TEAD1: variants seen among roughly 807,000 people sequenced by gnomAD.
TEAD1 encodes TEA domain transcription factor 1, also known as transcriptional enhancer factor TEF-1.
Under a neutral mutation model 54.9 loss-of-function variants are expected in TEAD1, and 9 were observed. The observed-to-expected ratio is 0.16, with a 90% confidence interval of 0.10 to 0.29. The LOEUF (loss-of-function observed/expected upper bound fraction) is 0.29, where lower values mean the gene tolerates loss of function less well. Ranked by LOEUF, TEAD1 falls within the 10% of genes least tolerant of loss-of-function variation. The pLI, the probability that TEAD1 is intolerant of heterozygous loss-of-function variation, is 1.00. For synonymous variants in TEAD1, 200 were observed against 187.8 expected (o/e 1.07, Z -0.53); for missense variants, 387 against 535.9 (o/e 0.72, Z 2.74).
intron 3 of TEAD1, among the ~76,000 whole-genome samples, chr11:12,774,597 T>A (rs1403167133): frequency 6.6e-6 from 1 of 152,172 alleles, no homozygotes; most frequent in Non-Finnish European, 1.5e-5. Flanking sequence ...TGATGTATAG[T>A]TATAGTTACA....
At chr11:12,850,521 TA>T (rs1227662745) in intron 3 of TEAD1, among the ~76,000 whole-genome samples, 1 of 152,176 alleles carries the variant, frequency 6.6e-6, no homozygotes. Context: ...AGCAGCCCTC[TA>T]GAGTAGGAAC....
intron 5 of TEAD1, among the ~76,000 whole-genome samples, chr11:12,871,540 C>T (rs553325132): frequency 1.3e-5 from 2 of 152,208 alleles, no homozygotes; most frequent in African/African-American, 4.8e-5. Flanking sequence ...ATGCAGGAGT[C>T]TCTTTGCCTG....
At chr11:12,733,773 C>T (rs957947734) in intron 2 of TEAD1, among the ~76,000 whole-genome samples, 2 of 152,192 alleles carry the variant, frequency 1.3e-5, no homozygotes, top group Non-Finnish European at 2.9e-5. Flanking sequence ...AATGATGTTT[C>T]GGTCAATGAT....
intron 3 of TEAD1, among the ~76,000 whole-genome samples, chr11:12,857,015 A>G (rs76367202): frequency 0.011 from 1,736 of 152,264 alleles, 17 homozygotes; most frequent in East Asian, 0.016. Context: ...ACATCACATT[A>G]TATATACAGC....
At chr11:12,922,649 A>T (rs1561593) in intron 10 of TEAD1, 42,141 of 151,934 alleles carry the variant, frequency 0.28, 6,326 homozygotes, top group East Asian at 0.4. Context: ...CCAAATCTGG[A>T]GCAATACGGT....
chr11:12,881,998 C>T (rs563765060), intron 8 of TEAD1, 41 bp downstream of exon 8: 2 of 1,595,538 alleles, frequency 1.3e-6, no homozygotes, highest in East Asian at 4.5e-5. Flanking sequence ...CACAGCCCCA[C>T]ACAGCTGACA....
chr11:12,897,760 T>C (rs1281889066), intron 9 of TEAD1, among the ~76,000 whole-genome samples: 2 of 152,262 alleles, frequency 1.3e-5, no homozygotes, highest in Non-Finnish European at 2.9e-5. Context: ...TTGTCACTAA[T>C]TCTAATTTAA....
intron 2 of TEAD1, among the ~76,000 whole-genome samples, chr11:12,736,787 ATCTTC>A (rs2133886789): frequency 6.6e-6 from 1 of 152,282 alleles, no homozygotes; most frequent in African/African-American, 2.4e-5. Context: ...GGCCAAATGA[ATCTTC>A]TCTTTTTACT....
At chr11:12,743,809 C>T (rs1231270986) in intron 2 of TEAD1, among the ~76,000 whole-genome samples, 1 of 152,162 alleles carries the variant, frequency 6.6e-6, no homozygotes, top group Non-Finnish European at 1.5e-5. Context: ...AGGGCATTGG[C>T]ACAGTAGAAA....
At chr11:12,879,071 G>A (rs1759736605) in intron 5 of TEAD1, among the ~76,000 whole-genome samples, 2 of 152,118 alleles carry the variant, frequency 1.3e-5, no homozygotes, top group Admixed American at 6.5e-5. Flanking sequence ...ACGAACCCAC[G>A]TAGCCTTAGC....
intron 2 of TEAD1, among the ~76,000 whole-genome samples, chr11:12,676,956 G>C (rs143980156): frequency 1.3e-5 from 2 of 152,116 alleles, no homozygotes; most frequent in Admixed American, 1.3e-4. Context: ...AATATTATTT[G>C]ATCTGCAGTT....
chr11:12,762,389 A>G (rs1945120274), intron 2 of TEAD1, among the ~76,000 whole-genome samples: 1 of 152,198 alleles, frequency 6.6e-6, no homozygotes, highest in African/African-American at 2.4e-5. Flanking sequence ...TCGTAACGAA[A>G]AAGATAATAG....
chr11:12,924,799 C>A (rs1195313014), intron 10 of TEAD1, 113 bp from the exon 11 acceptor site: 1 of 1,350,110 alleles, frequency 7.4e-7, no homozygotes, highest in East Asian at 2.3e-5. Context: ...ATCACCTTCC[C>A]AAGCCAGCCC....
chr11:12,860,342 C>G (rs1218469568), intron 3 of TEAD1, among the ~76,000 whole-genome samples: 1 of 152,142 alleles, frequency 6.6e-6, no homozygotes, highest in Non-Finnish European at 1.5e-5. Context: ...TGAGGACTTT[C>G]AGGAATGCGA....
At chr11:12,821,184 T>A (rs1314685820) in intron 3 of TEAD1, among the ~76,000 whole-genome samples, 1 of 152,160 alleles carries the variant, frequency 6.6e-6, no homozygotes, top group African/African-American at 2.4e-5. Flanking sequence ...CAAGGGCCTG[T>A]GTATGGTGTG....
At chr11:12,765,858 C>G (rs747972053) in intron 3 of TEAD1, among the ~76,000 whole-genome samples, 6 of 152,146 alleles carry the variant, frequency 3.9e-5, no homozygotes, top group African/African-American at 7.2e-5. Context: ...AAGAGTGTTT[C>G]AGGGCCCTAG....
intron 3 of TEAD1, 143 bp downstream of exon 3, chr11:12,764,577 C>G: frequency 1.0e-6 from 1 of 991,852 alleles, no homozygotes; most frequent in Non-Finnish European, 1.5e-6. Flanking sequence ...ATCCAAAGGA[C>G]TCACCCTAAA....
At chr11:12,910,080 G>T (rs535392866) in intron 10 of TEAD1, among the ~76,000 whole-genome samples, 1 of 152,154 alleles carries the variant, frequency 6.6e-6, no homozygotes, top group East Asian at 1.9e-4. Flanking sequence ...TGCCAGTGAC[G>T]TGGCAGACAG....
intron 9 of TEAD1, 53 bp downstream of exon 9, chr11:12,883,178 T>TAA (rs34885679): frequency 0.012 from 19,414 of 1,613,034 alleles, 135 homozygotes; most frequent in Non-Finnish European, 0.015. Context: ...TTCCCTTTAC[T>TAA]GTTTACCTCC....
Sources: gnomAD v4.1 joint callset for allele counts (sites outside exome capture counted in the v4.1 genomes callset) on GRCh38, gnomAD v4.1.1 for gene constraint, MANE v1.5 for transcripts, NCBI Gene and HGNC (gene_info 2026-07-23, HGNC 2026-07-21) for gene names.